Variants in RADX observed in about 807,000 individuals in gnomAD.
RADX encodes RPA-related protein RADX.
RADX carries 36 observed loss-of-function variants against 61.6 expected under a neutral mutation model. The observed-to-expected ratio is 0.58, with a 90% CI of 0.45 to 0.77. The LOEUF (loss-of-function observed/expected upper bound fraction) is 0.77. Ranked by LOEUF, RADX falls within the 30% of genes least tolerant of loss-of-function variation. RADX has a pLI of 0.00. For missense variants in RADX, 497 were observed against 651.1 expected (o/e 0.76, Z 2.58); for synonymous variants, 272 against 237.9 (o/e 1.14, Z -1.32).
chrX:106,615,704 CTT>C (rs542464055), intron 1 of RADX, among the ~76,000 whole-genome samples: 1 of 104,153 alleles, frequency 9.6e-6, no homozygotes, highest in African/African-American at 3.5e-5. Flanking sequence ...ATCCACAACT[CTT>C]TTTTTTTTTC....
intron 3 of RADX, among the ~76,000 whole-genome samples, chrX:106,629,923 A>G (rs1445562265): frequency 8.9e-6 from 1 of 112,372 alleles, no homozygotes; most frequent in African/African-American, 3.2e-5. Flanking sequence ...ATTTTTACAA[A>G]TTAGATAATG....
At chrX:106,632,802 T>G in intron 4 of RADX, 69 bp downstream of exon 4, 1 of 938,504 alleles carries the variant, frequency 1.1e-6, no homozygotes, top group Non-Finnish European at 1.5e-6. Flanking sequence ...AACAATGCAT[T>G]ATAATTTGCT....
chrX:106,636,855 G>A (rs1927371127), intron 7 of RADX, among the ~76,000 whole-genome samples: 1 of 111,662 alleles, frequency 9.0e-6, no homozygotes, highest in Non-Finnish European at 1.9e-5. Flanking sequence ...CAATGATTTT[G>A]TGACTCAGTG....
At chrX:106,667,940 A>G (rs1928272145) in intron 12 of RADX, among the ~76,000 whole-genome samples, 1 of 111,723 alleles carries the variant, frequency 9.0e-6, no homozygotes, top group Non-Finnish European at 1.9e-5. Flanking sequence ...AGATACCAGC[A>G]TGTGCACATT....
intron 1 of RADX, among the ~76,000 whole-genome samples, chrX:106,621,831 G>A (rs1926951479): frequency 9.0e-6 from 1 of 110,630 alleles, no homozygotes; most frequent in Admixed American, 9.7e-5. Flanking sequence ...TCCTGATACA[G>A]GGCCATGTCT....
intron 11 of RADX, among the ~76,000 whole-genome samples, chrX:106,655,138 A>G (rs1381931645): frequency 9.0e-6 from 1 of 111,191 alleles, no homozygotes; most frequent in Non-Finnish European, 1.9e-5. Flanking sequence ...TTACATTCTA[A>G]TAAGTATGCA....
intron 13 of RADX, among the ~76,000 whole-genome samples, chrX:106,670,353 C>A (rs189495618): frequency 2.1e-3 from 236 of 110,572 alleles, no homozygotes; most frequent in African/African-American, 7.6e-3. Context: ...CATATAATAT[C>A]CACTTATGTT....
rs1172702470 is a variant in RADX at position 106,625,601 on chromosome X, T to TA, written c.979+320dup. 7.1e-5 allele frequency among the ~76,000 whole-genome samples: 8 copies of TA among 111,934 alleles called. 1 individual carries two copies. The highest frequency in any genetic ancestry group is 1.9e-4 in the Admixed American group (2 of 10,501). On this transcript the variant is annotated intron_variant, in intron 3 of 13. Transcript: ENST00000372548. ...GTTAATAACGAATATATTTTGCACT[T>TA]ACTAGTAGGTGCTATCTAAAAAGAA...
chrX:106,631,649 T>C (rs1247275849), intron 3 of RADX, among the ~76,000 whole-genome samples: 17 of 102,529 alleles, frequency 1.7e-4, no homozygotes, highest in African/African-American at 6.1e-4. Flanking sequence ...TGAGCCATGA[T>C]TGTATGATTG....
intron 2 of RADX, 58 bp downstream of exon 2, chrX:106,622,851 C>A: frequency 1.5e-6 from 1 of 671,024 alleles, no homozygotes; most frequent in Non-Finnish European, 2.2e-6. Context: ...AGCTTACACA[C>A]CTCACTCCAT....
At chrX:106,653,000 A>G (rs1409953946) in intron 11 of RADX, among the ~76,000 whole-genome samples, 2 of 103,918 alleles carry the variant, frequency 1.9e-5, no homozygotes, top group Non-Finnish European at 3.8e-5. Flanking sequence ...AAAAAAAAAA[A>G]ACCTGTAAAC....
intron 11 of RADX, among the ~76,000 whole-genome samples, chrX:106,661,069 C>G (rs1436145874): frequency 1.8e-5 from 2 of 111,188 alleles, no homozygotes; most frequent in Non-Finnish European, 3.8e-5. Context: ...AGAACCACCC[C>G]CATGATCCAA....
chrX:106,671,072 C>A (rs1928349863), intron 13 of RADX, among the ~76,000 whole-genome samples: 1 of 111,582 alleles, frequency 9.0e-6, no homozygotes, highest in Non-Finnish European at 1.9e-5. Flanking sequence ...CCAGCCCTTT[C>A]CACCAACTCA....
chrX:106,676,921 G>A (rs1179397182), intron 13 of RADX, among the ~76,000 whole-genome samples: 1 of 111,621 alleles, frequency 9.0e-6, no homozygotes, highest in Non-Finnish European at 1.9e-5. Context: ...GTACAAAGGA[G>A]TTTTTAAAGC....
chrX:106,644,748 T>A (rs780019929), intron 10 of RADX, among the ~76,000 whole-genome samples: 2 of 111,307 alleles, frequency 1.8e-5, no homozygotes, highest in Admixed American at 1.9e-4. Context: ...TGTGTCTTTG[T>A]CTGGTTTTGT....
intron 3 of RADX, among the ~76,000 whole-genome samples, chrX:106,631,069 G>GT (rs1927205697): frequency 8.9e-6 from 1 of 111,860 alleles, no homozygotes; most frequent in Admixed American, 9.5e-5. Flanking sequence ...AGAAATAAAT[G>GT]TAAGAGAAGA....
At chrX:106,637,517 A>G (rs935391920) in intron 7 of RADX, among the ~76,000 whole-genome samples, 1 of 112,035 alleles carries the variant, frequency 8.9e-6, no homozygotes, top group African/African-American at 3.2e-5. Flanking sequence ...AGCATCTTAT[A>G]GCTAGCTACA....
intron 13 of RADX, among the ~76,000 whole-genome samples, chrX:106,674,291 T>C (rs184433607): frequency 1.2e-4 from 13 of 111,541 alleles, no homozygotes; most frequent in African/African-American, 4.2e-4. Flanking sequence ...CTCATTTCCT[T>C]TGGATACATA....
At chrX:106,660,686 G>A (rs1048220085) in intron 11 of RADX, among the ~76,000 whole-genome samples, 15 of 111,761 alleles carry the variant, frequency 1.3e-4, no homozygotes, top group Non-Finnish European at 2.6e-4. Context: ...CAGTGTTTCC[G>A]ATTCTACCAT....
Sources: gnomAD v4.1 joint callset for allele counts (sites outside exome capture counted in the v4.1 genomes callset) on GRCh38, gnomAD v4.1.1 for gene constraint, MANE v1.5 for transcripts, NCBI Gene and HGNC (gene_info 2026-07-23, HGNC 2026-07-21) for gene names.